The following DGKB variants were observed in gnomAD, a reference collection of about 807,000 sequenced individuals.
DGKB encodes diacylglycerol kinase beta.
Under a neutral mutation model 114.3 loss-of-function variants are expected in DGKB, and 67 were observed. The observed-to-expected ratio is 0.59, with a 90% CI of 0.48 to 0.72. The LOEUF is 0.72. DGKB is among the 30% of genes least tolerant of loss of function. The pLI is 0.00. For missense variants in DGKB, 907 were observed against 975.2 expected (o/e 0.93, Z 0.93); for synonymous variants, 398 against 323.1 (o/e 1.23, Z -2.49).
At position 14,761,675 on chromosome 7, in the gene DGKB, G is replaced by A. The variant is rs182278181; in HGVS notation, c.71-3944C>T. ...ATAATTCAGCTAATAATAGAGCTTC[G>A]GGAAAGAGCACAGTGACAGATACTA... On this transcript the variant is annotated intron_variant, in intron 2 of 25. Transcript: ENST00000402815. Among the ~76,000 whole-genome samples the A allele has an allele frequency of 2.9e-4, 44 of 152,222 alleles. No homozygotes were observed. The South Asian group carries it at 3.5e-3, about 12-fold the overall frequency.
At chr7:14,755,678 C>T (rs1372592034) in intron 3 of DGKB, among the ~76,000 whole-genome samples, 1 of 151,980 alleles carries the variant, frequency 6.6e-6, no homozygotes. Flanking sequence ...TTGAAGAGAA[C>T]TTTAAGGGCA....
At chr7:14,755,388 A>G (rs1834720353) in intron 3 of DGKB, among the ~76,000 whole-genome samples, 1 of 152,154 alleles carries the variant, frequency 6.6e-6, no homozygotes, top group Non-Finnish European at 1.5e-5. Context: ...TTGTAGGAGG[A>G]TAAGCAATTT....
At chr7:14,690,823 T>C (rs1198615676) in intron 9 of DGKB, among the ~76,000 whole-genome samples, 2 of 152,214 alleles carry the variant, frequency 1.3e-5, no homozygotes, top group Admixed American at 6.5e-5. Flanking sequence ...TAAAAAACAA[T>C]TCTCCAATGA....
chr7:14,574,019 G>T (rs1798762923), intron 20 of DGKB, among the ~76,000 whole-genome samples, 193 bp downstream of exon 20: 1 of 152,034 alleles, frequency 6.6e-6, no homozygotes, highest in Non-Finnish European at 1.5e-5. Context: ...CTGATACTCT[G>T]ACTTCAAATT....
chr7:14,446,023 C>T (rs914816572), intron 21 of DGKB, among the ~76,000 whole-genome samples: 6 of 151,998 alleles, frequency 3.9e-5, no homozygotes, highest in African/African-American at 7.2e-5. Flanking sequence ...AAGGAAAACC[C>T]GTGCTTTCTT....
At chr7:14,478,307 A>T (rs555674047) in intron 20 of DGKB, 82 bp from the exon 21 acceptor site, 9 of 835,876 alleles carry the variant, frequency 1.1e-5, no homozygotes, top group African/African-American at 3.5e-5. Flanking sequence ...ATAAAAAAAT[A>T]ACATTTCAAA....
In DGKB at chr7:14,170,141, AAAAAAAAGAAAG is replaced by A. The variant is rs1270892152; in HGVS notation, c.2304+6686_2304+6697del. Among the ~76,000 whole-genome samples the A allele has an allele frequency of 6.0e-3, 615 of 102,868 alleles. 18 individuals are homozygous for A. Among genetic ancestry groups the A allele is most frequent in the African/African-American group, 0.019 (557 of 29,770 alleles). 67.5% of individuals were successfully genotyped at this position (102,868 alleles called of 152,430 possible). On this transcript the variant is annotated intron_variant, in intron 25 of 25. Coordinates refer to ENST00000402815, the MANE Select transcript of DGKB (RefSeq NM_001350709.2). ...AAGAGAGAAACTCCATCTCAAAAAA[AAAAAAAAGAAAG>A]AAAGAAAGAAAGAAAGAAAGAAAGA...
chr7:14,573,806 A>G (rs1244518760), intron 20 of DGKB, among the ~76,000 whole-genome samples: 1 of 152,100 alleles, frequency 6.6e-6, no homozygotes, highest in East Asian at 1.9e-4. Flanking sequence ...GTAAGTTATA[A>G]TGATTTTATA....
rs550655677 is a variant in DGKB at position 14,369,085 on chromosome 7, G to A, written c.1836-23694C>T. Among the ~76,000 whole-genome samples, 146 of 146,622 alleles carry A rather than the reference G, an allele frequency of 1.0e-3. 1 individual carries two copies. The highest frequency in any genetic ancestry group is 3.4e-3 in the Middle Eastern group (1 of 290). ...ATCCCTCCCCTAGCACCCCACCCCC[G>A]ACAGACCCCAGTGTGTGATGTTTCC... On this transcript the variant is annotated intron_variant, in intron 21 of 25. Coordinates refer to ENST00000402815, the MANE Select transcript of DGKB (RefSeq NM_001350709.2).
intron 1 of DGKB, among the ~76,000 whole-genome samples, chr7:14,954,331 G>A (rs1786377726): frequency 6.6e-6 from 1 of 151,996 alleles, no homozygotes; most frequent in Non-Finnish European, 1.5e-5. Flanking sequence ...CACTGAAGAT[G>A]AAAATGCTTG....
intron 1 of DGKB, among the ~76,000 whole-genome samples, chr7:14,910,431 G>A (rs1783943427): frequency 6.6e-6 from 1 of 151,836 alleles, no homozygotes; most frequent in African/African-American, 2.4e-5. Flanking sequence ...CATATTAAAA[G>A]AAAAAGACTG....
intron 20 of DGKB, among the ~76,000 whole-genome samples, chr7:14,563,452 T>A (rs898422954): frequency 6.6e-6 from 1 of 152,214 alleles, no homozygotes; most frequent in Non-Finnish European, 1.5e-5. Context: ...GTTAATGAGT[T>A]GACAGAATTG....
chr7:14,395,248 T>A (rs1250010723), intron 21 of DGKB, among the ~76,000 whole-genome samples: 1 of 152,098 alleles, frequency 6.6e-6, no homozygotes, highest in African/African-American at 2.4e-5. Context: ...CTTTGATTTA[T>A]GGTAATGAAT....
intron 20 of DGKB, among the ~76,000 whole-genome samples, chr7:14,528,832 G>C (rs1446079664): frequency 1.3e-5 from 2 of 152,018 alleles, no homozygotes; most frequent in Admixed American, 1.3e-4. Flanking sequence ...AAGTGCCACT[G>C]TGCCTTTTAA....
chr7:14,449,284 T>G (rs546257936), intron 21 of DGKB, among the ~76,000 whole-genome samples: 4 of 152,220 alleles, frequency 2.6e-5, no homozygotes, highest in African/African-American at 9.6e-5. Context: ...TGACTATGGT[T>G]TGTCATGTTC....
intron 23 of DGKB, among the ~76,000 whole-genome samples, chr7:14,284,890 T>A (rs62443702): frequency 3.2e-4 from 47 of 145,380 alleles, no homozygotes; most frequent in Non-Finnish European, 5.9e-4. Flanking sequence ...AGGGATAGCA[T>A]TGGGAGATAT....
chr7:14,149,208 T>C lies in DGKB; in HGVS notation c.2335A>G (p.Met779Val), dbSNP rs201637639. ...IKITHKNQAP[M>V]LMGPPPKTGL... The stretch of plus-strand genomic sequence containing the variant: ...GTTTTTGGAGGCGGGCCCATCAGCA[T>C]TGGGGCTTGGTTCTTGTGTGTAATT... Residue 779 changes from methionine to valine, a missense_variant, in exon 26 of 26, where the codon ATG (methionine) becomes GTG (valine). By Grantham distance (21) the Met-to-Val change is conservative. Transcript: ENST00000402815. 284 of 1,613,356 alleles carry C rather than the reference T, an allele frequency of 1.8e-4. No homozygotes were observed. The highest frequency in any genetic ancestry group is 2.2e-4 in the Non-Finnish European group (259 of 1,179,522).
At chr7:14,936,420 A>G (rs1785273949) in intron 1 of DGKB, among the ~76,000 whole-genome samples, 1 of 152,188 alleles carries the variant, frequency 6.6e-6, no homozygotes, top group Admixed American at 6.5e-5. Context: ...GAGAGTAATT[A>G]AAGACAGGGC....
At chr7:14,695,590 C>A (rs1823717047) in intron 8 of DGKB, among the ~76,000 whole-genome samples, 1 of 147,294 alleles carries the variant, frequency 6.8e-6, no homozygotes, top group Non-Finnish European at 1.5e-5. Flanking sequence ...AGCTCCGCCT[C>A]CTGGGTTCAC....
Sources: allele counts gnomAD v4.1 joint callset (sites outside exome capture counted in the v4.1 genomes callset), GRCh38; gene constraint gnomAD v4.1.1; transcripts MANE v1.5; gene names NCBI Gene and HGNC (gene_info 2026-07-23, HGNC 2026-07-21).